PARL: variants seen among roughly 807,000 people sequenced by gnomAD.
PARL encodes presenilin associated rhomboid like.
PARL carries 44 observed loss-of-function variants against 51.6 expected under a neutral mutation model. That is an observed-to-expected ratio of 0.85 (90% CI 0.67 to 1.10). The LOEUF (loss-of-function observed/expected upper bound fraction) is 1.10, where lower values mean the gene tolerates loss of function less well. Ranked by LOEUF, PARL falls within the 50% of genes least tolerant of loss-of-function variation. The pLI is 0.00. For missense variants in PARL, 441 were observed against 469.5 expected, an observed-to-expected ratio of 0.94 and a Z score of 0.56; for synonymous variants, 172 against 164.0, an observed-to-expected ratio of 1.05 and a Z score of -0.37.
intron 1 of PARL, among the ~76,000 whole-genome samples, chr3:183,870,376 T>C (rs1375442338): frequency 6.6e-6 from 1 of 151,360 alleles, no homozygotes; most frequent in African/African-American, 2.4e-5. Context: ...AAATTCCTAG[T>C]CTAGTCCTTT....
At chr3:183,855,625 T>G (rs1731061274) in intron 4 of PARL, among the ~76,000 whole-genome samples, 1 of 152,200 alleles carries the variant, frequency 6.6e-6, no homozygotes, top group African/African-American at 2.4e-5. Context: ...ACACAACTTA[T>G]CAACTTATCA....
Position 183,833,723 on chromosome 3 carries a change from C to T in PARL, c.930+1G>A. On this transcript the variant is annotated splice_donor_variant, in intron 8 of 9. Coordinates refer to ENST00000317096, the MANE Select transcript of PARL (RefSeq NM_018622.7). LOFTEE classifies it high-confidence loss of function. The stretch of plus-strand genomic sequence containing the variant: ...GCACTGCACTTCATAAAAATACTTA[C>T]ATTCCCTGCTGTGAACGTGAACATC... 2.5e-6 allele frequency: 4 copies of T among 1,595,112 alleles called. No homozygotes were observed. Among genetic ancestry groups the T allele is most frequent in the Non-Finnish European group, 3.4e-6 (4 of 1,162,618 alleles).
At position 183,829,620 on chromosome 3, in the gene PARL, T is replaced by G. The variant is rs752311820; in HGVS notation, c.1118A>C (p.Lys373Thr). The G allele has an allele frequency of 6.2e-7, 1 of 1,614,192 alleles. No individual in the cohort carries two copies. Among genetic ancestry groups the G allele is most frequent in the Admixed American group, 1.7e-5 (1 of 60,014 alleles). ...IWHEIRTNGP[K>T]KGGGSK is the part of the protein sequence containing the mutation. The stretch of plus-strand genomic sequence containing the variant: ...GTTTTACTTAGAGCCACCTCCTTTT[T>G]TGGGGCCATTAGTCCTTATTTCATG... Residue 373 changes from lysine (K) to threonine (T), a missense_variant, in exon 10 of 10, where the codon AAA becomes ACA. Coordinates refer to ENST00000317096, the MANE Select transcript of PARL (RefSeq NM_018622.7).
At chr3:183,857,150 G>A (rs1731267943) in intron 4 of PARL, among the ~76,000 whole-genome samples, 2 of 152,190 alleles carry the variant, frequency 1.3e-5, no homozygotes, top group African/African-American at 4.8e-5. Context: ...GATCACTTGA[G>A]CCCAGGAGCT....
chr3:183,882,337 A>G (rs1339044752), intron 1 of PARL, among the ~76,000 whole-genome samples: 1 of 146,304 alleles, frequency 6.8e-6, no homozygotes, highest in Non-Finnish European at 1.5e-5. Flanking sequence ...ACACATATAT[A>G]CACACACATA....
In PARL at chr3:183,859,308, C is replaced by T. The variant is rs558150914; in HGVS notation, c.511+3445G>A. Among the ~76,000 whole-genome samples, 9 of 152,150 alleles carry T rather than the reference C, an allele frequency of 5.9e-5. No individual in the cohort carries two copies. The South Asian group carries it at 1.9e-3, about 32-fold the overall frequency. The stretch of plus-strand genomic sequence containing the variant: ...AAAAACAAAAACAAAACTACAGACT[C>T]CAAACCTGGCATCAGCTGTAAGAAG... On this transcript the variant is annotated intron_variant, in intron 4 of 9. Coordinates refer to ENST00000317096, the MANE Select transcript of PARL (RefSeq NM_018622.7).
chr3:183,866,781 T>C lies in PARL; in HGVS notation c.322-16A>G. 1 of 1,543,918 alleles carries C rather than the reference T, an allele frequency of 6.5e-7. No individual in the cohort carries two copies. The stretch of plus-strand genomic sequence containing the variant: ...AGCCTGTAAACTATATAAAATTAGA[T>C]ATATTACAAAATAGATTTAAGAGGG... On this transcript the variant is annotated splice_polypyrimidine_tract_variant and intron_variant, in intron 2 of 9. Coordinates refer to ENST00000317096, the MANE Select transcript of PARL (RefSeq NM_018622.7).
chr3:183,842,237 C>A (rs1577302709), intron 6 of PARL, 61 bp downstream of exon 6: 3 of 1,477,036 alleles, frequency 2.0e-6, no homozygotes, highest in Non-Finnish European at 2.8e-6. Context: ...TCCCTTTGTC[C>A]GTTCTGCAGA....
chr3:183,870,553 T>A (rs554294257), intron 1 of PARL, among the ~76,000 whole-genome samples: 1 of 152,050 alleles, frequency 6.6e-6, no homozygotes, highest in Non-Finnish European at 1.5e-5. Context: ...CCTTAGCTCA[T>A]CCCTTCTGGC....
downstream of PARL, among the ~76,000 whole-genome samples, chr3:183,829,113 T>C (rs1450300620): frequency 6.6e-6 from 1 of 152,184 alleles, no homozygotes; most frequent in Non-Finnish European, 1.5e-5. Flanking sequence ...AAACACTACC[T>C]TTCCTGAAAA....
At chr3:183,832,386 G>A (rs1436960143) in intron 9 of PARL, among the ~76,000 whole-genome samples, 2 of 151,572 alleles carry the variant, frequency 1.3e-5, no homozygotes, top group South Asian at 2.1e-4. Context: ...GCCCGGCTAA[G>A]TTTTTTGTAT....
At chr3:183,876,012 T>C (rs1733759058) in intron 1 of PARL, among the ~76,000 whole-genome samples, 1 of 152,188 alleles carries the variant, frequency 6.6e-6, no homozygotes, top group South Asian at 2.1e-4. Context: ...ACAGCACTCC[T>C]GTTTACAGCA....
chr3:183,840,559 G>T lies in PARL; in HGVS notation c.828+11C>A, dbSNP rs761038791. On this transcript the variant is annotated intron_variant, in intron 7 of 9. Transcript: ENST00000317096. ...ATTAAATTAAAAAAAATTTACAATAGAAATACTTACTGCACCAAGTGATGG... is the reference window on the plus strand; with the variant it reads ...ATTAAATTAAAAAAAATTTACAATATAAATACTTACTGCACCAAGTGATGG... 12 of 1,317,574 alleles carry T rather than the reference G, an allele frequency of 9.1e-6. No individual in the cohort carries two copies. The highest frequency in any genetic ancestry group is 9.7e-6 in the Non-Finnish European group (9 of 932,164). The allele number at this position is 1,317,574 out of a possible 1,614,324, so 81.6% of individuals were successfully genotyped here. A position where few individuals can be genotyped will look rare whatever the true frequency, so the allele number is the denominator to read the frequency against.
At position 183,868,076 on chromosome 3, in the gene PARL, A is replaced by G; in HGVS notation, c.126-16T>C. On this transcript the variant is annotated splice_polypyrimidine_tract_variant and intron_variant, in intron 1 of 9. Coordinates refer to ENST00000317096, the MANE Select transcript of PARL (RefSeq NM_018622.7). ...GAAGTTAAACCTATGGGGCAAAAAT[A>G]ACAGATGAGAAACACAGTAGCGTCT... The G allele has an allele frequency of 6.3e-7, 1 of 1,592,214 alleles. No individual in the cohort carries two copies. Among genetic ancestry groups the G allele is most frequent in the Non-Finnish European group, 8.6e-7 (1 of 1,159,974 alleles).
At chr3:183,862,260 G>T (rs1468992708) in intron 4 of PARL, among the ~76,000 whole-genome samples, 1 of 152,116 alleles carries the variant, frequency 6.6e-6, no homozygotes, top group East Asian at 1.9e-4. Flanking sequence ...AGCGAAAACT[G>T]GTTTTCGAAT....
intron 4 of PARL, 78 bp from the exon 5 acceptor site, chr3:183,844,404 G>T: frequency 1.1e-6 from 1 of 914,250 alleles, no homozygotes; most frequent in African/African-American, 1.7e-5. Flanking sequence ...CCCCTTGTAA[G>T]ATTCTTCCAC....
intron 5 of PARL, 138 bp from the exon 6 acceptor site, chr3:183,842,585 G>C: frequency 1.4e-6 from 1 of 718,692 alleles, no homozygotes; most frequent in Non-Finnish European, 2.4e-6. Flanking sequence ...CAAGGCAGGC[G>C]GATCACTAAG....
At chr3:183,882,822 C>T (rs1050247657) in intron 1 of PARL, among the ~76,000 whole-genome samples, 3 of 152,130 alleles carry the variant, frequency 2.0e-5, no homozygotes, top group Non-Finnish European at 4.4e-5. Context: ...TTGTAAAATG[C>T]AAATTCCTGG....
chr3:183,839,357 C>T (rs1729020408), intron 7 of PARL, among the ~76,000 whole-genome samples: 1 of 152,098 alleles, frequency 6.6e-6, no homozygotes, highest in Admixed American at 6.5e-5. Flanking sequence ...ATAAAGATTT[C>T]CATGTGCCCA....
Sources: gnomAD v4.1 joint callset for allele counts (sites outside exome capture counted in the v4.1 genomes callset) on GRCh38, gnomAD v4.1.1 for gene constraint, MANE v1.5 for transcripts, NCBI Gene and HGNC (gene_info 2026-07-23, HGNC 2026-07-21) for gene names.